Variants in HSD17B12 observed in about 807,000 individuals in gnomAD.
HSD17B12 encodes very-long-chain 3-oxoacyl-CoA reductase.
HSD17B12 carries 32 observed loss-of-function variants against 39.3 expected under a neutral mutation model. The ratio of observed to expected loss-of-function variants is 0.81; its 90% CI spans 0.61 to 1.09. The LOEUF is 1.09. Ranked by LOEUF, HSD17B12 falls within the 50% of genes least tolerant of loss-of-function variation. The pLI is 0.00. For synonymous variants in HSD17B12, 150 were observed against 146.7 expected (o/e 1.02, Z -0.16); for missense variants, 342 against 382.9 (o/e 0.89, Z 0.89).
intron 9 of HSD17B12, among the ~76,000 whole-genome samples, chr11:43,844,789 T>A (rs1438458627): frequency 6.6e-6 from 1 of 152,188 alleles, no homozygotes; most frequent in African/African-American, 2.4e-5. Flanking sequence ...TTAAAAAAAT[T>A]ATTTGGAAAT....
the HSD17B12 span, among the ~76,000 whole-genome samples, chr11:43,597,519 C>G: frequency 6.6e-6 from 1 of 152,094 alleles, no homozygotes; most frequent in Admixed American, 6.5e-5. Flanking sequence ...GGGAGTTGCT[C>G]TCTGGTGATA....
chr11:43,599,070 T>C, the HSD17B12 span, among the ~76,000 whole-genome samples: 1 of 152,222 alleles, frequency 6.6e-6, no homozygotes, highest in South Asian at 2.1e-4. Flanking sequence ...ACATATACTC[T>C]CCTTCCGTTT....
chr11:43,749,742 A>G (rs1293792179), intron 1 of HSD17B12, among the ~76,000 whole-genome samples: 1 of 151,984 alleles, frequency 6.6e-6, no homozygotes, highest in Non-Finnish European at 1.5e-5. Context: ...TGTGTTTACC[A>G]TATTTCTGAA....
the HSD17B12 span, among the ~76,000 whole-genome samples, chr11:43,662,324 C>T: frequency 1.3e-5 from 2 of 151,404 alleles, no homozygotes; most frequent in Non-Finnish European, 2.9e-5. Context: ...TTACCCTCCC[C>T]AGTAACTGGG....
chr11:43,640,268 G>A, the HSD17B12 span, among the ~76,000 whole-genome samples: 6 of 152,164 alleles, frequency 3.9e-5, no homozygotes, highest in Admixed American at 2.6e-4. Flanking sequence ...AGATCCTTAT[G>A]GGGAATGAAG....
At chr11:43,663,050 A>C in the HSD17B12 span, among the ~76,000 whole-genome samples, 1 of 29,788 alleles carries the variant, frequency 3.4e-5, no homozygotes, top group Admixed American at 7.2e-4. Context: ...TTTAAAAAAA[A>C]TTTTTTTGAG....
upstream of HSD17B12, chr11:43,680,554 G>T (rs1025598911): frequency 3.4e-4 from 163 of 482,264 alleles, no homozygotes; most frequent in Middle Eastern, 1.1e-3. Flanking sequence ...GAGACAGGGC[G>T]CTCACTGGCG....
At position 43,680,789 on chromosome 11, in the gene HSD17B12, C is replaced by T; in HGVS notation, c.-39C>T. 3.8e-6 allele frequency: 6 copies of T among 1,572,632 alleles called. No individual in the cohort carries two copies. Among genetic ancestry groups the T allele is most frequent in the Non-Finnish European group, 5.3e-6 (6 of 1,142,366 alleles). ...CTCCTCCTGGATTCATTCACTCGCTCTTTTCATTCACGAAGGTAGTGAGGC... is the reference window on the plus strand; with the variant it reads ...CTCCTCCTGGATTCATTCACTCGCTTTTTTCATTCACGAAGGTAGTGAGGC... On this transcript the variant is annotated 5_prime_UTR_variant, in exon 1 of 11. Transcript: ENST00000278353.
chr11:43,839,223 C>T (rs1319667741), intron 8 of HSD17B12, among the ~76,000 whole-genome samples: 1 of 152,048 alleles, frequency 6.6e-6, no homozygotes, highest in Non-Finnish European at 1.5e-5. Context: ...TGTGAAAAAA[C>T]AGTCACCACT....
the HSD17B12 span, among the ~76,000 whole-genome samples, chr11:43,641,953 G>T: frequency 6.6e-6 from 1 of 151,778 alleles, no homozygotes; most frequent in African/African-American, 2.4e-5. Flanking sequence ...ATGCAAATTT[G>T]CACATTCTAG....
chr11:43,759,602 T>G (rs1950539332), intron 3 of HSD17B12, among the ~76,000 whole-genome samples: 1 of 152,194 alleles, frequency 6.6e-6, no homozygotes, highest in Non-Finnish European at 1.5e-5. Flanking sequence ...TTATTTGCAA[T>G]AAAGCATAAT....
At chr11:43,720,928 A>G (rs983228209) in intron 1 of HSD17B12, among the ~76,000 whole-genome samples, 1 of 152,142 alleles carries the variant, frequency 6.6e-6, no homozygotes, top group Non-Finnish European at 1.5e-5. Context: ...CTCTTGAAAA[A>G]TAGTAAGCTG....
the HSD17B12 span, among the ~76,000 whole-genome samples, chr11:43,572,137 C>T: frequency 1.3e-5 from 2 of 152,128 alleles, no homozygotes; most frequent in Admixed American, 6.5e-5. Flanking sequence ...GGGGCATCCT[C>T]GGTGTGAGTG....
At chr11:43,795,104 T>C (rs895670287) in intron 3 of HSD17B12, among the ~76,000 whole-genome samples, 3 of 152,110 alleles carry the variant, frequency 2.0e-5, no homozygotes, top group African/African-American at 7.2e-5. Context: ...CTGTTCCAGG[T>C]GCTTAATTCA....
At chr11:43,764,384 T>A (rs1475649369) in intron 3 of HSD17B12, among the ~76,000 whole-genome samples, 1 of 152,154 alleles carries the variant, frequency 6.6e-6, no homozygotes, top group Non-Finnish European at 1.5e-5. Flanking sequence ...TTTGAGTTTT[T>A]TTCTTCTTAG....
At chr11:43,699,169 C>T (rs1949939676) in intron 1 of HSD17B12, among the ~76,000 whole-genome samples, 1 of 152,110 alleles carries the variant, frequency 6.6e-6, no homozygotes. Context: ...CATAGCTTGA[C>T]ATAACTGTTT....
At chr11:43,763,584 C>T (rs1950571014) in intron 3 of HSD17B12, among the ~76,000 whole-genome samples, 1 of 133,330 alleles carries the variant, frequency 7.5e-6, no homozygotes, top group South Asian at 2.5e-4. Context: ...TATTTTATAC[C>T]CTTATATATA....
At chr11:43,834,082 G>A (rs1044140013) in intron 7 of HSD17B12, 1 of 152,138 alleles carries the variant, frequency 6.6e-6, no homozygotes, top group Non-Finnish European at 1.5e-5. Flanking sequence ...TTCATGTGCT[G>A]AATGTTTGCA....
chr11:43,814,859 T>C (rs1394401319), intron 4 of HSD17B12, among the ~76,000 whole-genome samples: 1 of 152,220 alleles, frequency 6.6e-6, no homozygotes, highest in Non-Finnish European at 1.5e-5. Flanking sequence ...TGCTCCGTGA[T>C]ACCAACATTT....
Sources: allele counts gnomAD v4.1 joint callset (sites outside exome capture counted in the v4.1 genomes callset), GRCh38; gene constraint gnomAD v4.1.1; transcripts MANE v1.5; gene names NCBI Gene and HGNC (gene_info 2026-07-23, HGNC 2026-07-21).